Variants in PIK3R5 observed in about 807,000 individuals in gnomAD.
PIK3R5 encodes phosphoinositide-3-kinase regulatory subunit 5, also known as phosphoinositide 3-kinase regulatory subunit 5.
A neutral mutation model predicts 94.9 loss-of-function variants in PIK3R5; 32 were observed. The ratio of observed to expected loss-of-function variants is 0.34; its 90% CI spans 0.25 to 0.45. The LOEUF (loss-of-function observed/expected upper bound fraction) is 0.45, where lower values mean the gene tolerates loss of function less well. Ranked by LOEUF, PIK3R5 falls within the 20% of genes least tolerant of loss-of-function variation. The probability of loss-of-function intolerance (pLI) is 1.00; values close to 1 mark genes in which losing one functional copy is unlikely to be tolerated. For synonymous variants in PIK3R5, 443 were observed against 479.4 expected (o/e 0.92, Z 0.99); for missense variants, 853 against 1,144.6 (o/e 0.75, Z 3.68).
At position 8,935,809 on chromosome 17, in the gene PIK3R5, C is replaced by T. The variant is rs1312927831; in HGVS notation, c.-13-24302G>A. Among the ~76,000 whole-genome samples the T allele has an allele frequency of 6.6e-6, 1 of 152,054 alleles. No homozygotes were observed. The highest frequency in any genetic ancestry group is 1.5e-5 in the Non-Finnish European group (1 of 68,000). ...GTGGCTCACGCTTGTAATCCCAGCA[C>T]TTTGGGAGGCTGAGGCGGGCGGATC... is the stretch of plus-strand genomic sequence containing the variant. On this transcript the variant is annotated intron_variant, in intron 1 of 18. Transcript: ENST00000447110. The surrounding 1 kb of genome is among the most constrained non-coding windows in gnomAD (Gnocchi z 4.5).
chr17:8,902,683 G>GC (rs1481295679), intron 5 of PIK3R5, among the ~76,000 whole-genome samples: 7 of 151,752 alleles, frequency 4.6e-5, no homozygotes, highest in Non-Finnish European at 8.8e-5. Flanking sequence ...TATAATTTTT[G>GC]CCCTGGGGAA....
chr17:8,897,670 A>G (rs946135741), intron 5 of PIK3R5, among the ~76,000 whole-genome samples: 2 of 152,168 alleles, frequency 1.3e-5, no homozygotes, highest in Admixed American at 6.5e-5. Flanking sequence ...TGGGCATTGT[A>G]CCCAGTTGAT....
chr17:8,912,093 A>C (rs1010993670), intron 1 of PIK3R5: 1 of 152,356 alleles, frequency 6.6e-6, no homozygotes, highest in Non-Finnish European at 1.5e-5. Context: ...GGGGCTTGGC[A>C]ATGTTACCTG....
rs1456418320 is a variant in PIK3R5 at position 8,911,863 on chromosome 17, AG to A, written c.-13-357del. The stretch of plus-strand genomic sequence containing the variant: ...CAGTGGGCTGGGCAGGAAGATCCTG[AG>A]GGGAAAATCAGAATCACTCGGAGGA... On this transcript the variant is annotated intron_variant, in intron 1 of 18. Transcript: ENST00000447110. The surrounding 1 kb of genome is among the most constrained non-coding windows in gnomAD (Gnocchi z 5.3). The A allele has an allele frequency of 5.8e-6, 1 of 173,466 alleles. No homozygotes were observed. The highest frequency in any genetic ancestry group is 2.4e-5 in the African/African-American group (1 of 42,164). 10.7% of individuals were successfully genotyped at this position (173,466 alleles called of 1,614,324 possible). A position where few individuals can be genotyped will look rare whatever the true frequency, so the allele number is the denominator to read the frequency against.
rs1022820733 is a variant in PIK3R5, at chr17:8,892,002, T to A, written c.483-1090A>T. The stretch of plus-strand genomic sequence containing the variant: ...GTTAACAACGCACGGCTGTTCTCAC[T>A]TCCCCCATGCCAACCCCTCCATCAC... On this transcript the variant is annotated intron_variant, in intron 6 of 18. Coordinates refer to ENST00000447110, the MANE Select transcript of PIK3R5 (RefSeq NM_001142633.3). This position sits in a 1 kb window ranked among gnomAD's most constrained non-coding sequence, Gnocchi z 4.3. 7.9e-5 allele frequency among the ~76,000 whole-genome samples: 12 copies of A among 152,268 alleles called. No individual in the cohort carries two copies. Among genetic ancestry groups the A allele is most frequent in the Admixed American group, 7.2e-4 (11 of 15,294 alleles).
intron 3 of PIK3R5, among the ~76,000 whole-genome samples, chr17:8,906,919 C>G (rs2090408455): frequency 6.6e-6 from 1 of 152,310 alleles, no homozygotes; most frequent in African/African-American, 2.4e-5. Flanking sequence ...TTTAATAAAT[C>G]TTATGATGTA....
chr17:8,942,828 G>A (rs978392459), intron 1 of PIK3R5, among the ~76,000 whole-genome samples: 8 of 151,972 alleles, frequency 5.3e-5, no homozygotes, highest in East Asian at 1.9e-4. Context: ...GGATGGTCTC[G>A]ATCTCCTGAC....
rs527328332 is a variant in PIK3R5, at chr17:8,910,210, G to A, written c.104-1036C>T. Among the ~76,000 whole-genome samples, 11 of 152,314 alleles carry A rather than the reference G, an allele frequency of 7.2e-5. No individual in the cohort carries two copies. The South Asian group carries it at 1.0e-3, about 14-fold the overall frequency. On this transcript the variant is annotated intron_variant, in intron 2 of 18. Coordinates refer to ENST00000447110, the MANE Select transcript of PIK3R5 (RefSeq NM_001142633.3). ...TGGAAATGGATTGAACTTGAACTTC[G>A]TGGAGCTCAAGCTCCAGGACCTCTC...
chr17:8,936,344 T>C (rs1266456957), intron 1 of PIK3R5, among the ~76,000 whole-genome samples: 1 of 152,196 alleles, frequency 6.6e-6, no homozygotes. Flanking sequence ...TCCAAATATA[T>C]AATATCAATA....
intron 1 of PIK3R5, among the ~76,000 whole-genome samples, chr17:8,940,374 G>A (rs575904360): frequency 1.5e-5 from 2 of 136,100 alleles, no homozygotes; most frequent in East Asian, 4.1e-4. Context: ...GAAGGCTTAA[G>A]AACAATCCCA....
rs2091253636 is a variant in PIK3R5 at position 8,945,285 on chromosome 17, T to C, written c.-14+20311A>G. Among the ~76,000 whole-genome samples, 1 of 152,038 alleles carries C rather than the reference T, an allele frequency of 6.6e-6. No homozygotes were observed. Among genetic ancestry groups the C allele is most frequent in the Non-Finnish European group, 1.5e-5 (1 of 67,982 alleles). ...CCAGGAAACCAGCCACTGGGGTGGGTCATTTGATTGACACTAGCTCCAAGA... is the reference window on the plus strand; with the variant it reads ...CCAGGAAACCAGCCACTGGGGTGGGCCATTTGATTGACACTAGCTCCAAGA... On this transcript the variant is annotated intron_variant, in intron 1 of 18. Transcript: ENST00000447110. The surrounding 1 kb of genome is among the most constrained non-coding windows in gnomAD (Gnocchi z 4.0).
In PIK3R5 at chr17:8,882,054, G is replaced by C; in HGVS notation, c.2206-173C>G. The C allele has an allele frequency of 1.6e-6, 1 of 609,602 alleles. No homozygotes were observed. Among genetic ancestry groups the C allele is most frequent in the East Asian group, 2.8e-5 (1 of 36,112 alleles). 37.8% of individuals were successfully genotyped at this position (609,602 alleles called of 1,614,324 possible). ...CCCTGGATAGACCTGGATGACTCCAGGGAAGAGCTCACGTCACTGGCTTGG... is the reference window on the plus strand; with the variant it reads ...CCCTGGATAGACCTGGATGACTCCACGGAAGAGCTCACGTCACTGGCTTGG... On this transcript the variant is annotated intron_variant, in intron 15 of 18. Transcript: ENST00000447110. This position sits in a 1 kb window ranked among gnomAD's most constrained non-coding sequence, Gnocchi z 4.1.
In PIK3R5 at chr17:8,882,721, A is replaced by T. The variant is rs400439; in HGVS notation, c.2206-840T>A. ...CCCGGCCTCTTCCTGTGGTCCCCCCAGAGAAGATGGTGCTGCCAGTCACAG... is the reference window on the plus strand; with the variant it reads ...CCCGGCCTCTTCCTGTGGTCCCCCCTGAGAAGATGGTGCTGCCAGTCACAG... On this transcript the variant is annotated intron_variant, in intron 15 of 18. Transcript: ENST00000447110. This position sits in a 1 kb window ranked among gnomAD's most constrained non-coding sequence, Gnocchi z 4.1. Among the ~76,000 whole-genome samples, 2 of 151,976 alleles carry T rather than the reference A, an allele frequency of 1.3e-5. No individual in the cohort carries two copies. Among genetic ancestry groups the T allele is most frequent in the African/African-American group, 2.4e-5 (1 of 41,320 alleles).
chr17:8,905,031 C>A, intron 4 of PIK3R5, 116 bp from the exon 5 acceptor site: 1 of 1,132,046 alleles, frequency 8.8e-7, no homozygotes, highest in Non-Finnish European at 1.3e-6. Flanking sequence ...ATTTCCTGGC[C>A]GCAGCGTGTC....
intron 3 of PIK3R5, among the ~76,000 whole-genome samples, chr17:8,906,740 G>C (rs1597392806): frequency 6.6e-6 from 1 of 151,950 alleles, no homozygotes; most frequent in Non-Finnish European, 1.5e-5. Context: ...AAAATTAGCT[G>C]GGCACAGTGG....
At position 8,935,338 on chromosome 17, in the gene PIK3R5, G is replaced by A. The variant is rs1209424518; in HGVS notation, c.-13-23831C>T. ...CCCAAATATAGGCCCATGATGTTAT[G>A]ACCATATGAGCAATAGGGGATATTC... On this transcript the variant is annotated intron_variant, in intron 1 of 18. Transcript: ENST00000447110. This position sits in a 1 kb window ranked among gnomAD's most constrained non-coding sequence, Gnocchi z 4.5. Among the ~76,000 whole-genome samples, 3 of 152,160 alleles carry A rather than the reference G, an allele frequency of 2.0e-5. No individual in the cohort carries two copies. In the East Asian group the frequency reaches 5.8e-4, roughly 29 times the overall value.
rs773661139 is a variant in PIK3R5 at position 8,890,830 on chromosome 17, G to T, written c.565C>A (p.Pro189Thr). The change falls in exon 7 of 19, where the codon CCT (proline) becomes ACT (threonine). Residue 189 changes from proline (P) to threonine (T), a missense_variant. This residue lies in a region of PIK3R5 where 161 missense variants were observed against 249.5 expected (regional missense o/e 0.65). Coordinates refer to ENST00000447110, the MANE Select transcript of PIK3R5 (RefSeq NM_001142633.3). The surrounding 1 kb of genome is among the most constrained non-coding windows in gnomAD (Gnocchi z 6.1). ...AGCAGGGTGGTGTAGGCACTGTGAG[G>T]CGAGTGTCCGGGCGTACTCAGCTTA... is the stretch of plus-strand genomic sequence containing the variant. ...ANKLSTPGHS[P>T]HSAYTTLLLH... The T allele has an allele frequency of 1.9e-6, 3 of 1,613,448 alleles. No homozygotes were observed. Among genetic ancestry groups the T allele is most frequent in the Non-Finnish European group, 2.5e-6 (3 of 1,179,768 alleles).
intron 1 of PIK3R5, among the ~76,000 whole-genome samples, chr17:8,964,395 A>C (rs1200414859): frequency 6.6e-6 from 1 of 152,070 alleles, no homozygotes; most frequent in African/African-American, 2.4e-5. Context: ...TGTCTCAATA[A>C]TAATAATAAT....
rs897879600 is a variant in PIK3R5 at position 8,892,468 on chromosome 17, C to T, written c.482+1118G>A. On this transcript the variant is annotated intron_variant, in intron 6 of 18. Transcript: ENST00000447110. This position sits in a 1 kb window ranked among gnomAD's most constrained non-coding sequence, Gnocchi z 4.3. ...GCTCTTTCTACAAATCTCTCGGTGC[C>T]TCACTTCCCTTATGTGAAAAATCCC... is the stretch of plus-strand genomic sequence containing the variant. Among the ~76,000 whole-genome samples, 1 of 152,196 alleles carries T rather than the reference C, an allele frequency of 6.6e-6. No individual in the cohort carries two copies. Among genetic ancestry groups the T allele is most frequent in the Non-Finnish European group, 1.5e-5 (1 of 68,012 alleles).
Sources: allele counts gnomAD v4.1 joint callset (sites outside exome capture counted in the v4.1 genomes callset), GRCh38; gene constraint gnomAD v4.1.1; regional missense constraint gnomAD v4.1.1; non-coding constraint Gnocchi (gnomAD v3.1); transcripts MANE v1.5; gene names NCBI Gene and HGNC (gene_info 2026-07-23, HGNC 2026-07-21).